RAI2: variants seen among roughly 807,000 people sequenced by gnomAD.
The protein encoded by RAI2 is retinoic acid induced 2, also known as retinoic acid-induced protein 2.
Under a neutral mutation model 15.3 loss-of-function variants are expected in RAI2, and 5 were observed. The observed-to-expected ratio is 0.33, with a 90% CI of 0.17 to 0.69. The LOEUF is 0.69. Among genes scored for constraint, RAI2 ranks in the 30% least tolerant of loss-of-function variants. The pLI is 0.69. For missense variants in RAI2, 424 were observed against 424.7 expected, an observed-to-expected ratio of 1.00 and a Z score of 0.01; for synonymous variants, 191 against 184.0, an observed-to-expected ratio of 1.04 and a Z score of -0.31.
rs193075586 is a variant in RAI2 at position 17,854,218 on chromosome X, G to A, written c.-25+6880C>T. 4.8e-3 allele frequency among the ~76,000 whole-genome samples: 537 copies of A among 111,939 alleles called. 4 individuals carry two copies. Among genetic ancestry groups the A allele is most frequent in the African/African-American group, 0.016 (479 of 30,837 alleles). On this transcript the variant is annotated intron_variant, in intron 1 of 1. Transcript: ENST00000451717. ...GTTATGCTTGCCTGGCTTTCCAAAT[G>A]CCCTCAAAACTAGGATGATGAATCA...
chrX:17,832,763 C>T (rs1239239169), intron 1 of RAI2, among the ~76,000 whole-genome samples: 2 of 112,147 alleles, frequency 1.8e-5, no homozygotes, highest in African/African-American at 6.5e-5. Context: ...TCTTTTCTCC[C>T]ATATTAGGGT....
At position 17,801,397 on chromosome X, in the gene RAI2, G is replaced by C. The variant is rs760626742; in HGVS notation, c.614C>G (p.Pro205Arg). Reference protein sequence around the residue: ...QGTLGPPPCQPPPGYAPVPPQ... With the variant: ...QGTLGPPPCQRPPGYAPVPPQ... ...GGGCACAGGGGCATAGCCAGGAGGA[G>C]GCTGACAGGGTGGGGGCCCGAGAGT... The change falls in exon 2 of 2, where the codon CCT (proline) becomes CGT (arginine). Residue 205 changes from proline (P) to arginine (R), a missense_variant. Physicochemically the swap from Pro to Arg is moderately radical, Grantham distance 103 (BLOSUM62 -2). Coordinates refer to ENST00000451717, the MANE Select transcript of RAI2 (RefSeq NM_021785.6). 8.7e-6 allele frequency: 10 copies of C among 1,153,060 alleles called. No homozygotes were observed. In the Admixed American group the frequency reaches 1.1e-4, roughly 12 times the overall value.
intron 1 of RAI2, among the ~76,000 whole-genome samples, chrX:17,855,785 T>C (rs941169978): frequency 8.9e-6 from 1 of 112,667 alleles, no homozygotes; most frequent in Middle Eastern, 4.6e-3. Context: ...AAGCCACTAA[T>C]TTTAATACTC....
intron 1 of RAI2, among the ~76,000 whole-genome samples, chrX:17,815,323 GCACACACACACACACA>G (rs5901632): frequency 2.8e-4 from 28 of 100,975 alleles, no homozygotes; most frequent in African/African-American, 4.7e-4. Context: ...GTGCACACGT[GCACACACACACACACA>G]CACACACACA....
At chrX:17,807,312 T>A (rs1040653595) in intron 1 of RAI2, among the ~76,000 whole-genome samples, 1 of 111,874 alleles carries the variant, frequency 8.9e-6, no homozygotes, top group Non-Finnish European at 1.9e-5. Flanking sequence ...GGATTTCTTA[T>A]TTACTTCTTT....
At chrX:17,836,884 G>A (rs1225357914) in intron 1 of RAI2, among the ~76,000 whole-genome samples, 18 of 112,240 alleles carry the variant, frequency 1.6e-4, no homozygotes, top group East Asian at 8.4e-4. Flanking sequence ...GAACAATAGA[G>A]AAGTGAGGCA....
chrX:17,853,344 G>A (rs910898905), intron 1 of RAI2, among the ~76,000 whole-genome samples: 1 of 112,064 alleles, frequency 8.9e-6, no homozygotes, highest in African/African-American at 3.2e-5. Context: ...ATTTATAAAA[G>A]TCAGAGGGGG....
chrX:17,810,918 T>C (rs1337828753), intron 1 of RAI2, among the ~76,000 whole-genome samples: 1 of 112,658 alleles, frequency 8.9e-6, no homozygotes, highest in Non-Finnish European at 1.9e-5. Context: ...ACCACTTTCT[T>C]TGTAGGCAGG....
chrX:17,842,348 A>AC (rs1177130806), intron 1 of RAI2, among the ~76,000 whole-genome samples: 1 of 111,021 alleles, frequency 9.0e-6, no homozygotes, highest in African/African-American at 3.3e-5. Context: ...GCTGATGCTC[A>AC]CCCCCTGGGA....
intron 1 of RAI2, among the ~76,000 whole-genome samples, chrX:17,836,002 A>G (rs776916361): frequency 5.4e-5 from 6 of 112,120 alleles, no homozygotes; most frequent in Non-Finnish European, 1.1e-4. Flanking sequence ...TTTCCTTTTC[A>G]CACTGTATTT....
chrX:17,833,319 C>T (rs192834860), intron 1 of RAI2, among the ~76,000 whole-genome samples: 77 of 111,172 alleles, frequency 6.9e-4, no homozygotes, highest in Admixed American at 4.0e-3. Flanking sequence ...GCCAGGAGTT[C>T]GAGACCAGGC....
intron 1 of RAI2, among the ~76,000 whole-genome samples, chrX:17,805,189 ATT>A (rs1420147294): frequency 8.9e-6 from 1 of 112,836 alleles, no homozygotes; most frequent in Non-Finnish European, 1.9e-5. Context: ...CCCTCCATGC[ATT>A]TTGTTTCCTG....
chrX:17,854,918 G>A (rs1030332335), intron 1 of RAI2, among the ~76,000 whole-genome samples: 14 of 111,774 alleles, frequency 1.3e-4, no homozygotes, highest in East Asian at 2.8e-4. Flanking sequence ...AGCCACAGGC[G>A]CCTGACCTGT....
intron 1 of RAI2, among the ~76,000 whole-genome samples, chrX:17,813,980 T>C (rs1052498967): frequency 4.5e-5 from 5 of 111,534 alleles, no homozygotes; most frequent in African/African-American, 1.3e-4. Context: ...GAGGAGGCTG[T>C]TGGGTTTTGG....
chrX:17,828,460 G>C (rs2067249583), intron 1 of RAI2, among the ~76,000 whole-genome samples: 1 of 111,840 alleles, frequency 8.9e-6, no homozygotes, highest in African/African-American at 3.3e-5. Flanking sequence ...TCTTGGCTTG[G>C]CATTTGGTAT....
intron 1 of RAI2, among the ~76,000 whole-genome samples, chrX:17,828,835 C>T (rs1262748286): frequency 1.8e-5 from 2 of 111,399 alleles, no homozygotes; most frequent in African/African-American, 6.5e-5. Flanking sequence ...ATTATCACTC[C>T]GCTTTTCCCA....
chrX:17,822,815 A>G (rs1422282271), intron 1 of RAI2, among the ~76,000 whole-genome samples: 1 of 111,985 alleles, frequency 8.9e-6, no homozygotes, highest in Non-Finnish European at 1.9e-5. Flanking sequence ...TTAGTTACTT[A>G]TGTCTCCACA....
chrX:17,848,812 C>A (rs2067494130), intron 1 of RAI2, among the ~76,000 whole-genome samples: 1 of 112,504 alleles, frequency 8.9e-6, no homozygotes, highest in African/African-American at 3.2e-5. Flanking sequence ...GCAAATTGGA[C>A]AGCAAATGGG....
chrX:17,844,150 T>C (rs2067430662), intron 1 of RAI2, among the ~76,000 whole-genome samples: 2 of 112,030 alleles, frequency 1.8e-5, no homozygotes, highest in African/African-American at 3.2e-5. Context: ...CTTCCCACTT[T>C]TTGCCTCCTG....
Sources: gnomAD v4.1 joint callset for allele counts (sites outside exome capture counted in the v4.1 genomes callset) on GRCh38, gnomAD v4.1.1 for gene constraint, MANE v1.5 for transcripts, NCBI Gene and HGNC (gene_info 2026-07-23, HGNC 2026-07-21) for gene names.